Variants in DIP2B observed in about 807,000 individuals in gnomAD.
DIP2B encodes the protein DIP2 acetate--CoA ligase B (putative).
DIP2B carries 76 observed loss-of-function variants against 198.0 expected under a neutral mutation model. The observed-to-expected ratio is 0.38, with a 90% CI of 0.32 to 0.46. The LOEUF (loss-of-function observed/expected upper bound fraction) is 0.46, where lower values mean the gene tolerates loss of function less well. Ranked by LOEUF, DIP2B falls within the 20% of genes least tolerant of loss-of-function variation. The pLI, the probability that DIP2B is intolerant of heterozygous loss-of-function variation, is 0.99. For synonymous variants in DIP2B, 701 were observed against 739.1 expected, an observed-to-expected ratio of 0.95 and a Z score of 0.84; for missense variants, 1,559 against 1,978.4, an observed-to-expected ratio of 0.79 and a Z score of 4.02.
chr12:50,517,611 CT>C (rs1958077016), intron 1 of DIP2B, among the ~76,000 whole-genome samples: 1 of 152,156 alleles, frequency 6.6e-6, no homozygotes, highest in South Asian at 2.1e-4. Flanking sequence ...TTTTCCTTGG[CT>C]TCTCTCAGTC....
chr12:50,723,162 C>A, intron 26 of DIP2B, 40 bp from the exon 27 acceptor site: 1 of 1,611,956 alleles, frequency 6.2e-7, no homozygotes. Context: ...TGCTCTTAGG[C>A]AGTTCAGTGA....
At chr12:50,644,424 G>A (rs765409554) in intron 3 of DIP2B, among the ~76,000 whole-genome samples, 6 of 152,142 alleles carry the variant, frequency 3.9e-5, no homozygotes, top group Non-Finnish European at 5.9e-5. Context: ...GGGAGTATTC[G>A]TATTACCTTA....
intron 1 of DIP2B, among the ~76,000 whole-genome samples, chr12:50,513,522 C>G (rs145118315): frequency 9.2e-5 from 14 of 152,340 alleles, no homozygotes; most frequent in South Asian, 4.1e-4. Context: ...TTTTACTCTT[C>G]CGTTTCATAT....
At chr12:50,646,508 G>A (rs1431110004) in intron 3 of DIP2B, among the ~76,000 whole-genome samples, 2 of 151,978 alleles carry the variant, frequency 1.3e-5, no homozygotes, top group South Asian at 2.1e-4. Flanking sequence ...TGCAACCTCC[G>A]CCTCCTGGGT....
At chr12:50,515,056 G>A (rs1158720786) in intron 1 of DIP2B, among the ~76,000 whole-genome samples, 1 of 152,046 alleles carries the variant, frequency 6.6e-6, no homozygotes, top group African/African-American at 2.4e-5. Flanking sequence ...TCTCGAGCCT[G>A]AAAGGTGTGG....
intron 14 of DIP2B, among the ~76,000 whole-genome samples, chr12:50,693,217 G>C (rs1939250996): frequency 6.6e-6 from 1 of 152,232 alleles, no homozygotes; most frequent in Non-Finnish European, 1.5e-5. Flanking sequence ...TGCAACTGAA[G>C]AAGAGTAACA....
intron 1 of DIP2B, among the ~76,000 whole-genome samples, chr12:50,596,435 C>A (rs4132432): frequency 6.6e-6 from 1 of 152,152 alleles, no homozygotes; most frequent in African/African-American, 2.4e-5. Context: ...TTCTGCTCAT[C>A]TCTTCCTAAT....
chr12:50,714,871 G>T (rs1328806866), intron 23 of DIP2B, among the ~76,000 whole-genome samples: 1 of 152,154 alleles, frequency 6.6e-6, no homozygotes, highest in Non-Finnish European at 1.5e-5. Flanking sequence ...AGCCTGGGAG[G>T]TTGCAGTAAA....
chr12:50,660,156 A>G (rs771300456), intron 3 of DIP2B, 38 bp from the exon 4 acceptor site: 4 of 1,566,850 alleles, frequency 2.6e-6, no homozygotes, highest in South Asian at 2.4e-5. Context: ...CACTTTCAAG[A>G]GCCGGAAGCT....
At chr12:50,651,245 A>G (rs1405078902) in intron 3 of DIP2B, among the ~76,000 whole-genome samples, 1 of 152,136 alleles carries the variant, frequency 6.6e-6, no homozygotes, top group Non-Finnish European at 1.5e-5. Context: ...TACCCAATAT[A>G]TGGCTTGTAA....
At chr12:50,549,305 A>G (rs1388382968) in intron 1 of DIP2B, among the ~76,000 whole-genome samples, 2 of 152,198 alleles carry the variant, frequency 1.3e-5, no homozygotes, top group East Asian at 3.9e-4. Context: ...CGTCTCTACT[A>G]AAAATACAAA....
At chr12:50,521,223 C>T (rs1958115762) in intron 1 of DIP2B, among the ~76,000 whole-genome samples, 1 of 150,970 alleles carries the variant, frequency 6.6e-6, no homozygotes, top group South Asian at 2.1e-4. Flanking sequence ...TCTCCTGCCT[C>T]AGCCTCCTGA....
intron 3 of DIP2B, among the ~76,000 whole-genome samples, chr12:50,659,086 CA>C (rs1159723738): frequency 6.6e-6 from 1 of 151,448 alleles, no homozygotes; most frequent in Non-Finnish European, 1.5e-5. Flanking sequence ...CACTCCATCT[CA>C]AAAAAAACAG....
chr12:50,635,582 A>G (rs192650753), intron 2 of DIP2B, among the ~76,000 whole-genome samples: 1 of 152,240 alleles, frequency 6.6e-6, no homozygotes, highest in Admixed American at 6.5e-5. Flanking sequence ...TGCTCCTTTC[A>G]TCGCAGTTCT....
At position 50,724,801 on chromosome 12, in the gene DIP2B, C is replaced by G; in HGVS notation, c.3315C>G (p.Thr1105=). The stretch of plus-strand genomic sequence containing the variant: ...TCAGCAAAGCAGCCTGTATTCTCAC[C>G]AGTCAGACCCTAATGAGGCTACTGA... ...VDVSKAACIL[T]SQTLMRLLRS... is the part of the protein sequence containing the mutation. The change falls in exon 28 of 38, where the codon ACC becomes ACG. Residue 1105 remains threonine, a synonymous_variant. Transcript: ENST00000301180. 1 of 1,614,112 alleles carries G rather than the reference C, an allele frequency of 6.2e-7. No individual in the cohort carries two copies. The highest frequency in any genetic ancestry group is 8.5e-7 in the Non-Finnish European group (1 of 1,180,012).
chr12:50,627,325 A>C (rs1937954191), intron 2 of DIP2B, among the ~76,000 whole-genome samples: 1 of 152,160 alleles, frequency 6.6e-6, no homozygotes, highest in South Asian at 2.1e-4. Context: ...TCAATTTATT[A>C]ATTTACTATG....
chr12:50,712,771 G>C (rs1007874534), intron 22 of DIP2B, among the ~76,000 whole-genome samples: 3 of 152,086 alleles, frequency 2.0e-5, no homozygotes, highest in Non-Finnish European at 4.4e-5. Flanking sequence ...AGCCGGGCTT[G>C]GTGGCGGGCA....
chr12:50,699,158 A>T lies in DIP2B; in HGVS notation c.2281A>T (p.Met761Leu), dbSNP rs373039267. 1 of 1,614,222 alleles carries T rather than the reference A, an allele frequency of 6.2e-7. No individual in the cohort carries two copies. Among genetic ancestry groups the T allele is most frequent in the African/African-American group, 1.3e-5 (1 of 75,064 alleles). Residue 761 changes from methionine to leucine, a missense_variant, in exon 19 of 38, where the codon ATG becomes TTG. Met to Leu is a conservative substitution (Grantham distance 15). Coordinates refer to ENST00000301180, the MANE Select transcript of DIP2B (RefSeq NM_173602.3). ...CTGTGTTAGCTCCAGAACTGGAGGC[A>T]TGATGTACTTTGGGCTTGCTGGTGT... Reference protein sequence around the residue: ...EICVSSRTGGMMYFGLAGVTK... With the variant: ...EICVSSRTGGLMYFGLAGVTK...
chr12:50,630,184 G>A (rs1005305379), intron 2 of DIP2B, among the ~76,000 whole-genome samples: 1 of 152,064 alleles, frequency 6.6e-6, no homozygotes, highest in Non-Finnish European at 1.5e-5. Flanking sequence ...ACTTGACCTT[G>A]TGATCCACCT....
Sources: allele counts gnomAD v4.1 joint callset (sites outside exome capture counted in the v4.1 genomes callset), GRCh38; gene constraint gnomAD v4.1.1; transcripts MANE v1.5; gene names NCBI Gene and HGNC (gene_info 2026-07-23, HGNC 2026-07-21).